Variants in MAST1 observed in about 807,000 individuals in gnomAD.
The protein encoded by MAST1 is microtubule-associated serine/threonine-protein kinase 1.
Under a neutral mutation model 124.6 loss-of-function variants are expected in MAST1, and 40 were observed. The observed-to-expected ratio is 0.32, with a 90% CI of 0.25 to 0.42. The LOEUF (loss-of-function observed/expected upper bound fraction) is 0.42. Among genes scored for constraint, MAST1 ranks in the 10% least tolerant of loss-of-function variants. The probability of loss-of-function intolerance (pLI) is 1.00; values close to 1 mark genes in which losing one functional copy is unlikely to be tolerated. For synonymous variants in MAST1, 938 were observed against 939.4 expected, an observed-to-expected ratio of 1.00 and a Z score of 0.03; for missense variants, 1,558 against 2,181.9, an observed-to-expected ratio of 0.71 and a Z score of 5.70.
chr19:12,861,128 T>C (rs1408784923), intron 12 of MAST1, among the ~76,000 whole-genome samples: 4 of 151,892 alleles, frequency 2.6e-5, no homozygotes, highest in Non-Finnish European at 1.5e-5. Flanking sequence ...CGTGGCGCAA[T>C]CTTGGTGCAC....
intron 7 of MAST1, chr19:12,848,415 C>G (rs752097012): frequency 1.1e-4 from 27 of 251,640 alleles, no homozygotes; most frequent in Non-Finnish European, 1.9e-4. Context: ...GTCAAGAGAT[C>G]GAGACCATCC....
intron 12 of MAST1, 151 bp from the exon 13 acceptor site, chr19:12,864,658 G>T: frequency 1.1e-6 from 1 of 951,696 alleles, no homozygotes; most frequent in East Asian, 2.6e-5. Context: ...GAACCCAGTA[G>T]AGGACCTGGA....
In MAST1 at chr19:12,871,273, G is replaced by C. The variant is rs1970230758; in HGVS notation, c.3263+101G>C. 2.6e-6 allele frequency: 4 copies of C among 1,526,602 alleles called. No homozygotes were observed. In the African/African-American group the frequency reaches 5.5e-5, roughly 21 times the overall value. The allele number at this position is 1,526,602 out of a possible 1,614,324, so 94.6% of individuals were successfully genotyped here. A position where few individuals can be genotyped will look rare whatever the true frequency, so the allele number is the denominator to read the frequency against. On this transcript the variant is annotated intron_variant, in intron 24 of 25. Transcript: ENST00000251472. Reference sequence around the variant, plus strand: ...AGAAGGGAAGAGCACGGGAAAGGTGGCGGGAACAAATGACCAACAAGCAAA... The same window carrying C: ...AGAAGGGAAGAGCACGGGAAAGGTGCCGGGAACAAATGACCAACAAGCAAA...
chr19:12,860,391 C>T (rs1009811834), intron 12 of MAST1, among the ~76,000 whole-genome samples: 1 of 151,544 alleles, frequency 6.6e-6, no homozygotes, highest in Non-Finnish European at 1.5e-5. Flanking sequence ...GCTGTGATTA[C>T]AGGCGTGAAC....
At position 12,841,932 on chromosome 19, in the gene MAST1, A is replaced by T. The variant is rs1346693122; in HGVS notation, c.248+866A>T. The stretch of plus-strand genomic sequence containing the variant: ...ACAAGGCTCTGGGATAGGGTCTCAC[A>T]TGTTTATCCGCAAGCGGGGAGGACT... On this transcript the variant is annotated intron_variant, in intron 3 of 25. Transcript: ENST00000251472. This position sits in a 1 kb window ranked among gnomAD's most constrained non-coding sequence, Gnocchi z 4.3. Among the ~76,000 whole-genome samples, 2 of 152,156 alleles carry T rather than the reference A, an allele frequency of 1.3e-5. No individual in the cohort carries two copies. Among genetic ancestry groups the T allele is most frequent in the Non-Finnish European group, 2.9e-5 (2 of 68,030 alleles).
At chr19:12,852,697 A>C (rs1969977481) in intron 10 of MAST1, among the ~76,000 whole-genome samples, 1 of 151,724 alleles carries the variant, frequency 6.6e-6, no homozygotes, top group African/African-American at 2.4e-5. Context: ...AAAAATGCAA[A>C]AATTAGCCAA....
chr19:12,871,707 C>G (rs1212584383), intron 24 of MAST1, among the ~76,000 whole-genome samples: 1 of 151,586 alleles, frequency 6.6e-6, no homozygotes, highest in African/African-American at 2.4e-5. Flanking sequence ...ATCACTTGAG[C>G]CCAGGAGTCA....
chr19:12,841,818 G>A lies in MAST1; in HGVS notation c.248+752G>A, dbSNP rs1969833168. Among the ~76,000 whole-genome samples the A allele has an allele frequency of 6.6e-6, 1 of 152,224 alleles. No individual in the cohort carries two copies. The highest frequency in any genetic ancestry group is 6.5e-5 in the Admixed American group (1 of 15,282). On this transcript the variant is annotated intron_variant, in intron 3 of 25. Coordinates refer to ENST00000251472, the MANE Select transcript of MAST1 (RefSeq NM_014975.3). The surrounding 1 kb of genome is among the most constrained non-coding windows in gnomAD (Gnocchi z 4.3). Reference sequence around the variant, plus strand: ...TGAAGGCTGTGTTGTGAGAGTCAAAGGAGACTGTGAAGACAGACAGCTCCC... The same window carrying A: ...TGAAGGCTGTGTTGTGAGAGTCAAAAGAGACTGTGAAGACAGACAGCTCCC...
At chr19:12,849,205 G>A (rs1012590503) in intron 7 of MAST1, among the ~76,000 whole-genome samples, 1 of 152,070 alleles carries the variant, frequency 6.6e-6, no homozygotes, top group Non-Finnish European at 1.5e-5. Context: ...CACACAGTAG[G>A]TACTCAATAA....
chr19:12,851,522 T>C (rs1969959798), intron 7 of MAST1, among the ~76,000 whole-genome samples: 1 of 152,140 alleles, frequency 6.6e-6, no homozygotes, highest in African/African-American at 2.4e-5. Flanking sequence ...AGTCTCGCTG[T>C]GTCACCCAGG....
chr19:12,874,150 G>A lies in MAST1; in HGVS notation c.3993G>A (p.Leu1331=). The change falls in exon 26 of 26, where the codon CTG becomes CTA. Residue 1331 remains leucine (L), a synonymous_variant. Transcript: ENST00000251472. This position sits in a 1 kb window ranked among gnomAD's most constrained non-coding sequence, Gnocchi z 6.6. ...GAPRQVAVRR[L]GRQESPLSLG... is the part of the protein sequence containing the mutation. ...CCCGGCAGGTCGCCGTCCGCCGCCT[G>A]GGCCGACAGGAGTCACCTTTGAGCC... is the stretch of plus-strand genomic sequence containing the variant. 1.3e-6 allele frequency: 2 copies of A among 1,540,566 alleles called. No individual in the cohort carries two copies. The highest frequency in any genetic ancestry group is 1.7e-6 in the Non-Finnish European group (2 of 1,145,722).
chr19:12,844,619 G>A (rs1260060638), intron 4 of MAST1, among the ~76,000 whole-genome samples: 1 of 152,166 alleles, frequency 6.6e-6, no homozygotes, highest in African/African-American at 2.4e-5. Flanking sequence ...TTTGGCAGAT[G>A]GAAGAGAAGG....
intron 4 of MAST1, among the ~76,000 whole-genome samples, chr19:12,846,175 C>G (rs953903337): frequency 2.1e-4 from 32 of 152,090 alleles, no homozygotes; most frequent in Admixed American, 2.0e-4. Flanking sequence ...TCCCTCTAGC[C>G]TGGGTGACAC....
intron 12 of MAST1, among the ~76,000 whole-genome samples, chr19:12,861,294 C>T (rs913784275): frequency 6.6e-6 from 1 of 151,998 alleles, no homozygotes; most frequent in African/African-American, 2.4e-5. Context: ...GAACTCCTGA[C>T]CTCAGGTGAT....
At chr19:12,842,324 G>A (rs1302187589) in intron 3 of MAST1, among the ~76,000 whole-genome samples, 1 of 150,506 alleles carries the variant, frequency 6.6e-6, no homozygotes, top group Non-Finnish European at 1.5e-5. Flanking sequence ...ACAGAGTCTC[G>A]CTCTGTTGCC....
Position 12,871,166 on chromosome 19 carries a change from A to C in MAST1, c.3257A>C (p.Gln1086Pro), listed in dbSNP as rs749716990. Residue 1086 changes from glutamine to proline, a missense_variant, in exon 24 of 26, where the codon CAG becomes CCG. This residue lies in a region of MAST1 where 291 missense variants were observed against 475.8 expected (regional missense o/e 0.61). Transcript: ENST00000251472. ...AAGCGACCCTCCGCCAAGGAGGGCC[A>C]GGAGAGGTGGGCACAGCCGTAAACA... ...RNKRPSAKEG[Q>P]ESKKRSSLFR... is the part of the protein sequence containing the mutation. 6.2e-7 allele frequency: 1 copy of C among 1,614,152 alleles called. No homozygotes were observed. Among genetic ancestry groups the C allele is most frequent in the South Asian group, 1.1e-5 (1 of 91,082 alleles).
chr19:12,858,564 G>T lies in MAST1; in HGVS notation c.1191G>T (p.Arg397=). The T allele has an allele frequency of 6.2e-7, 1 of 1,614,250 alleles. No individual in the cohort carries two copies. Among genetic ancestry groups the T allele is most frequent in the South Asian group, 1.1e-5 (1 of 91,088 alleles). The part of the protein sequence containing the change: ...AVYLVRHRDT[R]QRFAMKKINK... ...ACCTGGTGCGGCACCGCGACACGCG[G>T]CAGCGCTTTGCCATGAAAAAGATCA... The change falls in exon 12 of 26, where the codon CGG becomes CGT. Residue 397 remains arginine (R), a synonymous_variant. Transcript: ENST00000251472.
chr19:12,850,657 CT>C (rs569279990), intron 7 of MAST1, among the ~76,000 whole-genome samples: 3 of 151,886 alleles, frequency 2.0e-5, no homozygotes, highest in South Asian at 2.1e-4. Flanking sequence ...TTGGTGCATA[CT>C]TTTTTTTGGC....
rs1382666343 is a variant in MAST1 at position 12,863,074 on chromosome 19, G to A, written c.1367-1735G>A. Among the ~76,000 whole-genome samples, 11 of 150,820 alleles carry A rather than the reference G, an allele frequency of 7.3e-5. 1 individual carries two copies. The highest frequency in any genetic ancestry group is 2.1e-4 in the South Asian group (1 of 4,772). ...TGAGGAACAAGAATCTCTTGAACCC[G>A]GGGGCGGTGAGTGGGCAGAGGTTGC... On this transcript the variant is annotated intron_variant, in intron 12 of 25. Coordinates refer to ENST00000251472, the MANE Select transcript of MAST1 (RefSeq NM_014975.3).
Sources: allele counts gnomAD v4.1 joint callset (sites outside exome capture counted in the v4.1 genomes callset), GRCh38; gene constraint gnomAD v4.1.1; regional missense constraint gnomAD v4.1.1; non-coding constraint Gnocchi (gnomAD v3.1); transcripts MANE v1.5; gene names NCBI Gene and HGNC (gene_info 2026-07-23, HGNC 2026-07-21).